L3MBTL2: variants seen among roughly 807,000 people sequenced by gnomAD.
L3MBTL2 encodes L3MBTL histone methyl-lysine binding protein 2, also known as lethal(3)malignant brain tumor-like protein 2.
A neutral mutation model predicts 86.4 loss-of-function variants in L3MBTL2; 49 were observed. The ratio of observed to expected loss-of-function variants is 0.57; its 90% CI spans 0.45 to 0.72. The LOEUF (loss-of-function observed/expected upper bound fraction) is 0.72. Among genes scored for constraint, L3MBTL2 ranks in the 30% least tolerant of loss-of-function variants. The probability of loss-of-function intolerance (pLI) is 0.00; values close to 1 mark genes in which losing one functional copy is unlikely to be tolerated. For synonymous variants in L3MBTL2, 336 were observed against 350.6 expected (o/e 0.96, Z 0.47); for missense variants, 755 against 923.7 (o/e 0.82, Z 2.37).
At chr22:41,228,853 A>C (rs75640572) in intron 15 of L3MBTL2, among the ~76,000 whole-genome samples, 45 of 102,774 alleles carry the variant, frequency 4.4e-4, no homozygotes, top group Middle Eastern at 5.5e-3. Flanking sequence ...CCATCGCACA[A>C]AAAAAAAAAA....
intron 2 of L3MBTL2, among the ~76,000 whole-genome samples, chr22:41,213,437 C>T (rs1036476563): frequency 1.3e-5 from 2 of 148,220 alleles, no homozygotes; most frequent in African/African-American, 5.0e-5. Flanking sequence ...GCAGTTTCCC[C>T]CCGCCAAATC....
chr22:41,212,201 CT>C (rs2030931027), intron 2 of L3MBTL2, among the ~76,000 whole-genome samples: 1 of 152,046 alleles, frequency 6.6e-6, no homozygotes, highest in Non-Finnish European at 1.5e-5. Flanking sequence ...CTTTTCATCC[CT>C]TGCCTTTTAT....
chr22:41,215,621 T>TCCTCTCCCAAACATTCGCCTATGTGGAC, intron 3 of L3MBTL2, among the ~76,000 whole-genome samples: 1 of 115,112 alleles, frequency 8.7e-6, no homozygotes, highest in African/African-American at 3.7e-5. Context: ...AAGCTGTGGG[T>TCCTCTCCCAAACATTCGCCTATGTGGAC]CCTCTCCCAA....
intron 15 of L3MBTL2, chr22:41,228,176 A>C (rs975899677): frequency 5.6e-5 from 55 of 985,322 alleles, no homozygotes; most frequent in African/African-American, 7.0e-5. Flanking sequence ...CATGTTCAGA[A>C]AAAAACAGCC....
At chr22:41,216,495 A>C (rs752870979) in intron 4 of L3MBTL2, among the ~76,000 whole-genome samples, 10 of 152,150 alleles carry the variant, frequency 6.6e-5, no homozygotes, top group Non-Finnish European at 1.3e-4. Context: ...GATAATTCAA[A>C]AGCCAAGAAT....
intron 1 of L3MBTL2, among the ~76,000 whole-genome samples, chr22:41,205,834 T>C (rs916221426): frequency 1.3e-5 from 2 of 152,136 alleles, no homozygotes; most frequent in African/African-American, 4.8e-5. Flanking sequence ...CTTTCGTCTT[T>C]GTCGTTCAAG....
chr22:41,207,432 A>G (rs2030323347), intron 1 of L3MBTL2, among the ~76,000 whole-genome samples: 1 of 151,638 alleles, frequency 6.6e-6, no homozygotes, highest in African/African-American at 2.4e-5. Context: ...TATGTTGCCC[A>G]GTCTGGTCTT....
chr22:41,219,391 C>T (rs758796733), intron 5 of L3MBTL2, 28 bp from the exon 6 acceptor site: 2 of 1,543,748 alleles, frequency 1.3e-6, no homozygotes, highest in Non-Finnish European at 1.8e-6. Context: ...TTAGCTCACT[C>T]TCTCGGTACA....
intron 6 of L3MBTL2, among the ~76,000 whole-genome samples, chr22:41,220,430 GT>G (rs1303154065): frequency 1.3e-5 from 2 of 151,852 alleles, no homozygotes; most frequent in Non-Finnish European, 2.9e-5. Context: ...GCTCACGCCT[GT>G]AATCCCAGCA....
chr22:41,224,623 G>A lies in L3MBTL2; in HGVS notation c.1175-102G>A, dbSNP rs534016802. The A allele has an allele frequency of 3.0e-5, 25 of 838,110 alleles. No individual in the cohort carries two copies. Among genetic ancestry groups the A allele is most frequent in the South Asian group, 2.5e-4 (17 of 68,072 alleles). The allele number at this position is 838,110 out of a possible 1,614,324, so 51.9% of individuals were successfully genotyped here. On this transcript the variant is annotated intron_variant, in intron 9 of 16. Transcript: ENST00000216237. This position sits in a 1 kb window ranked among gnomAD's most constrained non-coding sequence, Gnocchi z 4.9. ...GATACAGAGATACAGCTGAGAACAC[G>A]TGCAGAGCAGCCCCACATTCCCAGG...
chr22:41,220,955 G>C lies in L3MBTL2; in HGVS notation c.853+87G>C, dbSNP rs2031769719. 16 of 1,452,080 alleles carry C rather than the reference G, an allele frequency of 1.1e-5. No individual in the cohort carries two copies. The East Asian group carries it at 3.7e-4, about 34-fold the overall frequency. 89.9% of individuals were successfully genotyped at this position (1,452,080 alleles called of 1,614,324 possible). On this transcript the variant is annotated intron_variant, in intron 7 of 16. Transcript: ENST00000216237. Reference sequence around the variant, plus strand: ...TCTGCTTGTGTTAGGTAGAATGGGAGTCCTCTGTCTTGTTAGAACAGAATC... The same window carrying C: ...TCTGCTTGTGTTAGGTAGAATGGGACTCCTCTGTCTTGTTAGAACAGAATC...
Position 41,227,668 on chromosome 22 carries a change from C to T in L3MBTL2, c.1823-136C>T, listed in dbSNP as rs1601538292. On this transcript the variant is annotated intron_variant, in intron 14 of 16. Transcript: ENST00000216237. The surrounding 1 kb of genome is among the most constrained non-coding windows in gnomAD (Gnocchi z 6.0). ...GCCCCTCCTCCAGCCCCGCCCTCTCCTCATTGCCCAGGTTTGGCTTCCTGT... is the reference window on the plus strand; with the variant it reads ...GCCCCTCCTCCAGCCCCGCCCTCTCTTCATTGCCCAGGTTTGGCTTCCTGT... The T allele has an allele frequency of 1.9e-6, 3 of 1,572,568 alleles. No homozygotes were observed. The highest frequency in any genetic ancestry group is 2.3e-5 in the South Asian group (2 of 86,176).
chr22:41,216,679 C>T (rs1420370019), intron 4 of L3MBTL2, among the ~76,000 whole-genome samples: 1 of 152,190 alleles, frequency 6.6e-6, no homozygotes, highest in Non-Finnish European at 1.5e-5. Context: ...CATAAAGCAA[C>T]TCTGCTATCA....
intron 8 of L3MBTL2, 152 bp downstream of exon 8, chr22:41,221,439 G>A (rs371252518): frequency 7.3e-6 from 5 of 685,700 alleles, no homozygotes; most frequent in Non-Finnish European, 2.5e-6. Flanking sequence ...AAATGCTGCT[G>A]CTACGTGGTT....
At chr22:41,210,354 G>A (rs2030645389) in intron 2 of L3MBTL2, among the ~76,000 whole-genome samples, 1 of 152,000 alleles carries the variant, frequency 6.6e-6, no homozygotes, top group East Asian at 1.9e-4. Flanking sequence ...GTTTGAGACG[G>A]AGTCTCGCTC....
intron 15 of L3MBTL2, chr22:41,228,590 C>T (rs1275315853): frequency 2.3e-5 from 20 of 874,934 alleles, no homozygotes; most frequent in Non-Finnish European, 2.7e-5. Context: ...GTGGCTCACA[C>T]CTGTAATCCC....
At chr22:41,223,989 A>C in intron 8 of L3MBTL2, 31 bp from the exon 9 acceptor site, 2 of 1,548,210 alleles carry the variant, frequency 1.3e-6, no homozygotes, top group Non-Finnish European at 1.8e-6. Flanking sequence ...GCCCTGAGCC[A>C]TAGCAGGCCT....
At chr22:41,213,793 C>T in intron 2 of L3MBTL2, 100 bp from the exon 3 acceptor site, 2 of 1,329,924 alleles carry the variant, frequency 1.5e-6, no homozygotes, top group Non-Finnish European at 2.1e-6. Flanking sequence ...GGCAGGGGCT[C>T]ACCTGGTTAA....
intron 2 of L3MBTL2, among the ~76,000 whole-genome samples, chr22:41,213,070 T>C (rs1373449707): frequency 6.7e-6 from 1 of 149,222 alleles, no homozygotes; most frequent in African/African-American, 2.5e-5. Context: ...ACAAAAAAAT[T>C]AGCTGGGTGT....
Sources: allele counts gnomAD v4.1 joint callset (sites outside exome capture counted in the v4.1 genomes callset), GRCh38; gene constraint gnomAD v4.1.1; non-coding constraint Gnocchi (gnomAD v3.1); transcripts MANE v1.5; gene names NCBI Gene and HGNC (gene_info 2026-07-23, HGNC 2026-07-21).